Variants in PHIP observed in about 807,000 individuals in gnomAD.
PHIP encodes the protein PHIP subunit of CUL4-Ring ligase complex, also known as PH-interacting protein.
Under a neutral mutation model 236.8 loss-of-function variants are expected in PHIP, and 54 were observed. The observed-to-expected ratio is 0.23, with a 90% CI of 0.18 to 0.29. The LOEUF (loss-of-function observed/expected upper bound fraction) is 0.29, where lower values mean the gene tolerates loss of function less well. Ranked by LOEUF, PHIP falls within the 10% of genes least tolerant of loss-of-function variation. The pLI, the probability that PHIP is intolerant of heterozygous loss-of-function variation, is 1.00. For missense variants in PHIP, 1,370 were observed against 2,190.8 expected, an observed-to-expected ratio of 0.63 and a Z score of 7.48; for synonymous variants, 756 against 718.9, an observed-to-expected ratio of 1.05 and a Z score of -0.83.
Position 78,940,992 on chromosome 6 carries a change from G to T in PHIP, c.5167C>A (p.Gln1723Lys). The T allele has an allele frequency of 6.2e-7, 1 of 1,613,768 alleles. No homozygotes were observed. Among genetic ancestry groups the T allele is most frequent in the Non-Finnish European group, 8.5e-7 (1 of 1,179,806 alleles). Residue 1723 changes from glutamine (Q) to lysine (K), a missense_variant, in exon 40 of 40, where the codon CAA (glutamine) becomes AAA (lysine). By Grantham distance (53) the Gln-to-Lys change is moderately conservative. This residue lies in a region of PHIP where 309 missense variants were observed against 328.3 expected (regional missense o/e 0.94). Transcript: ENST00000275034. ...ACTAGGAGATCTGCATCTAATTTTTGTGTCTTCATCTTCCTTTTGGGCTTC... is the reference window on the plus strand; with the variant it reads ...ACTAGGAGATCTGCATCTAATTTTTTTGTCTTCATCTTCCTTTTGGGCTTC... ...GRKPKRKMKT[Q>K]KLDADLLVPA...
intron 39 of PHIP, among the ~76,000 whole-genome samples, chr6:78,941,829 C>T (rs962202888): frequency 6.6e-6 from 1 of 152,080 alleles, no homozygotes; most frequent in Admixed American, 6.5e-5. Flanking sequence ...TGTGTGCCAC[C>T]ATTATCATGA....
chr6:79,001,365 A>G (rs991779275), intron 17 of PHIP, among the ~76,000 whole-genome samples: 1 of 152,098 alleles, frequency 6.6e-6, no homozygotes, highest in African/African-American at 2.4e-5. Flanking sequence ...TAAACCTTTA[A>G]AAGTTGGTAA....
intron 15 of PHIP, among the ~76,000 whole-genome samples, chr6:79,007,251 T>A (rs181798573): frequency 1.3e-5 from 2 of 152,186 alleles, no homozygotes; most frequent in East Asian, 3.9e-4. Context: ...AACATAATTT[T>A]CCTGAAGCAG....
chr6:79,017,300 T>C (rs774469572), intron 12 of PHIP, 46 bp downstream of exon 12: 1 of 1,153,050 alleles, frequency 8.7e-7, no homozygotes, highest in Non-Finnish European at 1.2e-6. Flanking sequence ...AAATTGTCTT[T>C]ATTTCATAAT....
intron 37 of PHIP, 175 bp from the exon 38 acceptor site, chr6:78,946,435 C>T (rs1582082860): frequency 7.1e-6 from 10 of 1,401,350 alleles, no homozygotes; most frequent in Non-Finnish European, 8.3e-6. Context: ...AGTGAAGGAT[C>T]GCTGTAAATG....
In PHIP at chr6:78,978,662, C is replaced by G; in HGVS notation, c.2819G>C (p.Trp940Ser). ...LTENGLTLEEWLPSTWITDTI... is the reference protein window; with the variant it reads ...LTENGLTLEESLPSTWITDTI... ...ATCTGTAATCCATGTTGATGGCAACCATTCTTCTAATGTCAAACCATTTTC... is the reference window on the plus strand; with the variant it reads ...ATCTGTAATCCATGTTGATGGCAACGATTCTTCTAATGTCAAACCATTTTC... The change falls in exon 24 of 40, where the codon TGG (tryptophan) becomes TCG (serine). Residue 940 changes from tryptophan to serine, a missense_variant. Trp to Ser is a radical substitution (Grantham distance 177). Coordinates refer to ENST00000275034, the MANE Select transcript of PHIP (RefSeq NM_017934.7). 1 of 1,596,248 alleles carries G rather than the reference C, an allele frequency of 6.3e-7. No individual in the cohort carries two copies. The highest frequency in any genetic ancestry group is 8.6e-7 in the Non-Finnish European group (1 of 1,167,550).
chr6:78,969,105 A>C (rs530047839), intron 27 of PHIP, among the ~76,000 whole-genome samples: 2 of 152,188 alleles, frequency 1.3e-5, no homozygotes, highest in African/African-American at 4.8e-5. Flanking sequence ...ATGAGATGTA[A>C]ATTTTCTTTC....
chr6:78,969,551 T>A (rs1353193306), intron 27 of PHIP, among the ~76,000 whole-genome samples: 2 of 152,162 alleles, frequency 1.3e-5, no homozygotes, highest in Non-Finnish European at 2.9e-5. Flanking sequence ...AAATTTAAAT[T>A]GTTATTAATA....
intron 6 of PHIP, among the ~76,000 whole-genome samples, chr6:79,052,145 T>C (rs565103137): frequency 3.3e-5 from 5 of 152,288 alleles, no homozygotes; most frequent in Admixed American, 2.0e-4. Flanking sequence ...TCTTGAAATA[T>C]ATAGCAAAAG....
At chr6:78,976,853 A>G (rs1286440986) in intron 24 of PHIP, among the ~76,000 whole-genome samples, 44 of 100,670 alleles carry the variant, frequency 4.4e-4, no homozygotes, top group South Asian at 7.9e-4. Context: ...TTAGAATGGC[A>G]ATCATTAAAA....
intron 35 of PHIP, among the ~76,000 whole-genome samples, chr6:78,950,757 G>C (rs1774096505): frequency 6.6e-6 from 1 of 151,918 alleles, no homozygotes; most frequent in Admixed American, 6.6e-5. Flanking sequence ...TCTTAACAGA[G>C]GCTTGTCAAT....
At chr6:79,051,039 C>T (rs888747074) in intron 6 of PHIP, among the ~76,000 whole-genome samples, 8 of 151,972 alleles carry the variant, frequency 5.3e-5, no homozygotes, top group African/African-American at 9.7e-5. Flanking sequence ...AATTTTGTTT[C>T]GGAGGGAATC....
At chr6:78,984,616 T>C (rs1220159713) in intron 22 of PHIP, among the ~76,000 whole-genome samples, 2 of 152,140 alleles carry the variant, frequency 1.3e-5, no homozygotes, top group Non-Finnish European at 1.5e-5. Context: ...TTTCCTTCAT[T>C]GACCTGTTTT....
At position 78,966,026 on chromosome 6, in the gene PHIP, G is replaced by A; in HGVS notation, c.3236C>T (p.Ala1079Val). Residue 1079 changes from alanine to valine, a missense_variant, in exon 28 of 40, where the codon GCC (alanine) becomes GTC (valine). Around this residue, in one of 14 missense-constraint regions of PHIP, gnomAD observed 238 missense variants for 398.5 expected, o/e 0.60. Coordinates refer to ENST00000275034, the MANE Select transcript of PHIP (RefSeq NM_017934.7). ...GCTTTCGATTGTTCCAAACCACCAG[G>A]CATCATCTATGACAGACCTGAAGCG... is the stretch of plus-strand genomic sequence containing the variant. ...GDRFRSVIDDAWWFGTIESQE... is the reference protein window; with the variant it reads ...GDRFRSVIDDVWWFGTIESQE... 6.2e-7 allele frequency: 1 copy of A among 1,613,450 alleles called. No individual in the cohort carries two copies. The highest frequency in any genetic ancestry group is 8.5e-7 in the Non-Finnish European group (1 of 1,179,460).
intron 31 of PHIP, among the ~76,000 whole-genome samples, chr6:78,959,262 TAAA>T (rs1259066668): frequency 1.3e-5 from 2 of 152,068 alleles, no homozygotes; most frequent in African/African-American, 2.4e-5. Flanking sequence ...CTTAAAATAA[TAAA>T]GAAAACACTT....
chr6:79,063,860 C>T (rs1773500713), intron 4 of PHIP, among the ~76,000 whole-genome samples: 1 of 152,114 alleles, frequency 6.6e-6, no homozygotes, highest in East Asian at 1.9e-4. Context: ...ATGCTTGACT[C>T]TCTACTTGCT....
chr6:79,046,298 T>C (rs913301975), intron 6 of PHIP, among the ~76,000 whole-genome samples: 6 of 152,154 alleles, frequency 3.9e-5, no homozygotes, highest in African/African-American at 1.4e-4. Flanking sequence ...AGATGTCTGT[T>C]ACCTTCTGAA....
intron 35 of PHIP, among the ~76,000 whole-genome samples, 179 bp from the exon 36 acceptor site, chr6:78,947,954 C>G (rs1247212361): frequency 2.0e-5 from 3 of 151,744 alleles, no homozygotes; most frequent in African/African-American, 7.3e-5. Flanking sequence ...TTCATACTCC[C>G]CCCCCTTATA....
chr6:79,058,477 T>C (rs1345338593), intron 6 of PHIP, among the ~76,000 whole-genome samples: 2 of 152,146 alleles, frequency 1.3e-5, no homozygotes, highest in Non-Finnish European at 2.9e-5. Context: ...ACCAATTTTC[T>C]TGAGTAGCCA....
Sources: allele counts gnomAD v4.1 joint callset (sites outside exome capture counted in the v4.1 genomes callset), GRCh38; gene constraint gnomAD v4.1.1; regional missense constraint gnomAD v4.1.1; transcripts MANE v1.5; gene names NCBI Gene and HGNC (gene_info 2026-07-23, HGNC 2026-07-21).